The following PRMT7 variants were observed in gnomAD, a reference collection of about 807,000 sequenced individuals.
The protein encoded by PRMT7 is protein arginine N-methyltransferase 7.
A neutral mutation model predicts 85.4 loss-of-function variants in PRMT7; 75 were observed. That is an observed-to-expected ratio of 0.88 (90% CI 0.73 to 1.06). The LOEUF (loss-of-function observed/expected upper bound fraction) is 1.06. Ranked by LOEUF, PRMT7 falls within the 50% of genes least tolerant of loss-of-function variation. PRMT7 has a pLI of 0.00. For missense variants in PRMT7, 868 were observed against 915.2 expected, an observed-to-expected ratio of 0.95 and a Z score of 0.67; for synonymous variants, 397 against 359.5, an observed-to-expected ratio of 1.10 and a Z score of -1.18.
intron 7 of PRMT7, among the ~76,000 whole-genome samples, chr16:68,338,827 G>A (rs3785116): frequency 0.13 from 19,123 of 152,142 alleles, 1,257 homozygotes; most frequent in South Asian, 0.16. Flanking sequence ...GACGTGGAGT[G>A]GATGCAAGAG....
At chr16:68,327,172 T>TA (rs1368090406) in intron 5 of PRMT7, among the ~76,000 whole-genome samples, 1 of 152,044 alleles carries the variant, frequency 6.6e-6, no homozygotes, top group Non-Finnish European at 1.5e-5. Flanking sequence ...TTGATTATAG[T>TA]AAAAAATATA....
chr16:68,327,891 A>G (rs1353248802), intron 5 of PRMT7, among the ~76,000 whole-genome samples: 5 of 150,252 alleles, frequency 3.3e-5, no homozygotes, highest in Non-Finnish European at 2.9e-5. Context: ...TGATCATGCC[A>G]CTGGACTCCA....
intron 2 of PRMT7, 110 bp downstream of exon 2, chr16:68,312,286 C>T (rs898636729): frequency 2.0e-5 from 3 of 149,206 alleles, no homozygotes; most frequent in Non-Finnish European, 4.4e-5. Context: ...TCAGTGGCGC[C>T]ATCTCTGCTC....
chr16:68,315,953 G>A lies in PRMT7; in HGVS notation c.-27G>A. 2 of 1,606,440 alleles carry A rather than the reference G, an allele frequency of 1.2e-6. No individual in the cohort carries two copies. The highest frequency in any genetic ancestry group is 2.2e-5 in the South Asian group (2 of 90,384). ...TCAACTGGCAAGGCTGCTTTTCTGT[G>A]CTAAAACTGGGGAGCTAGTGGGCAC... is the stretch of plus-strand genomic sequence containing the variant. On this transcript the variant is annotated 5_prime_UTR_variant, in exon 3 of 19. Coordinates refer to ENST00000441236, the MANE Select transcript of PRMT7 (RefSeq NM_019023.5).
In PRMT7 at chr16:68,339,807, G is replaced by A. The variant is rs762537213; in HGVS notation, c.766G>A (p.Val256Ile). ...PMFSIDFSKQ[V>I]SSSAACHSRR... Reference sequence around the variant, plus strand: ...CCTCAGCATAGACTTCAGCAAGCAAGTCAGTAGCTCAGCAGCCTGCCATAG... The same window carrying A: ...CCTCAGCATAGACTTCAGCAAGCAAATCAGTAGCTCAGCAGCCTGCCATAG... The change falls in exon 9 of 19, where the codon GTC becomes ATC. Residue 256 changes from valine (V) to isoleucine (I), a missense_variant. Physicochemically the swap from Val to Ile is conservative, Grantham distance 29 (BLOSUM62 3). Coordinates refer to ENST00000441236, the MANE Select transcript of PRMT7 (RefSeq NM_019023.5). 9.9e-6 allele frequency: 16 copies of A among 1,613,872 alleles called. No homozygotes were observed. Among genetic ancestry groups the A allele is most frequent in the South Asian group, 1.1e-5 (1 of 91,092 alleles).
intron 4 of PRMT7, among the ~76,000 whole-genome samples, chr16:68,322,111 T>C (rs914376306): frequency 6.6e-6 from 1 of 152,180 alleles, no homozygotes; most frequent in Non-Finnish European, 1.5e-5. Flanking sequence ...GATAATACTA[T>C]TATTATACTA....
rs754396619 is a variant in PRMT7, at chr16:68,328,149, C to T, written c.283-917C>T. 4.8e-5 allele frequency: 15 copies of T among 309,750 alleles called. No homozygotes were observed. The Middle Eastern group carries it at 1.2e-3, about 24-fold the overall frequency. 19.2% of individuals were successfully genotyped at this position (309,750 alleles called of 1,614,324 possible). A position where few individuals can be genotyped will look rare whatever the true frequency, so the allele number is the denominator to read the frequency against. Reference sequence around the variant, plus strand: ...CAGCTCCACTGTGAATGCTAATCCTCCACGCTGACTTCTGACCAACCCCAG... The same window carrying T: ...CAGCTCCACTGTGAATGCTAATCCTTCACGCTGACTTCTGACCAACCCCAG... On this transcript the variant is annotated intron_variant, in intron 5 of 18. Coordinates refer to ENST00000441236, the MANE Select transcript of PRMT7 (RefSeq NM_019023.5).
At chr16:68,340,131 G>C (rs531248009) in intron 9 of PRMT7, among the ~76,000 whole-genome samples, 163 bp downstream of exon 9, 1 of 152,230 alleles carries the variant, frequency 6.6e-6, no homozygotes, top group Non-Finnish European at 1.5e-5. Flanking sequence ...GCTAGCTGTA[G>C]TAACGTAGCC....
At chr16:68,337,669 C>A in intron 7 of PRMT7, 98 bp downstream of exon 7, 2 of 656,482 alleles carry the variant, frequency 3.0e-6, no homozygotes, top group Non-Finnish European at 4.9e-6. Flanking sequence ...AAGCCCTCAG[C>A]ACCTCTGATA....
chr16:68,329,690 A>C (rs1437368960), intron 6 of PRMT7, among the ~76,000 whole-genome samples: 3 of 151,958 alleles, frequency 2.0e-5, no homozygotes, highest in Non-Finnish European at 4.4e-5. Context: ...TAACACGGTG[A>C]AACTCTATCT....
At chr16:68,314,652 C>G (rs1350044193) in intron 2 of PRMT7, among the ~76,000 whole-genome samples, 1 of 152,186 alleles carries the variant, frequency 6.6e-6, no homozygotes, top group Non-Finnish European at 1.5e-5. Context: ...AGTAGGCATT[C>G]TTTCTAAGTT....
intron 3 of PRMT7, among the ~76,000 whole-genome samples, chr16:68,319,798 T>C (rs977716675): frequency 1.3e-5 from 2 of 151,556 alleles, no homozygotes; most frequent in South Asian, 2.1e-4. Context: ...GACCCAAGGC[T>C]GGAGGGCCTC....
At chr16:68,318,286 G>A (rs1380030068) in intron 3 of PRMT7, among the ~76,000 whole-genome samples, 2 of 149,104 alleles carry the variant, frequency 1.3e-5, no homozygotes, top group Non-Finnish European at 3.0e-5. Context: ...TGCAAGCTCC[G>A]CCTCCTGGGT....
intron 4 of PRMT7, chr16:68,321,841 TAGC>T: frequency 5.8e-6 from 1 of 172,888 alleles, no homozygotes; most frequent in Admixed American, 6.2e-5. Flanking sequence ...TTATTAACTA[TAGC>T]TCACAATGCC....
At chr16:68,346,116 C>T (rs752695008) in intron 10 of PRMT7, 29 bp from the exon 11 acceptor site, 1 of 1,611,372 alleles carries the variant, frequency 6.2e-7, no homozygotes, top group East Asian at 2.2e-5. Flanking sequence ...GCTCACAGCC[C>T]ACGTCTGTTT....
rs541712558 is a variant in PRMT7, at chr16:68,311,020, A to C, written c.-298A>C. The C allele has an allele frequency of 8.7e-7, 1 of 1,146,198 alleles. No homozygotes were observed. Among genetic ancestry groups the C allele is most frequent in the Non-Finnish European group, 1.3e-6 (1 of 791,976 alleles). 71.0% of individuals were successfully genotyped at this position (1,146,198 alleles called of 1,614,324 possible). A position where few individuals can be genotyped will look rare whatever the true frequency, so the allele number is the denominator to read the frequency against. On this transcript the variant is annotated 5_prime_UTR_variant, in exon 1 of 19. Coordinates refer to ENST00000441236, the MANE Select transcript of PRMT7 (RefSeq NM_019023.5). ...GACCCGCCCCCCAGCACGCTCCTCG[A>C]CGCTGCGAGGTCCCGCCCCGCGTGC...
intron 6 of PRMT7, 43 bp from the exon 7 acceptor site, chr16:68,337,416 A>T: frequency 7.3e-7 from 1 of 1,366,946 alleles, no homozygotes; most frequent in Non-Finnish European, 1.0e-6. Flanking sequence ...TATTTTTCCT[A>T]GTCTGTTGCT....
chr16:68,338,400 A>T (rs1274640660), intron 7 of PRMT7, among the ~76,000 whole-genome samples: 1 of 151,822 alleles, frequency 6.6e-6, no homozygotes, highest in Non-Finnish European at 1.5e-5. Context: ...GGAAGTGGTG[A>T]GGGCGATTCT....
Position 68,356,708 on chromosome 16 carries a change from C to A in PRMT7, c.1819C>A (p.Gln607Lys), listed in dbSNP as rs1158217815. The change falls in exon 18 of 19, where the codon CAG (glutamine) becomes AAG (lysine). Residue 607 changes from glutamine to lysine, a missense_variant. Coordinates refer to ENST00000441236, the MANE Select transcript of PRMT7 (RefSeq NM_019023.5). ...EGTVELRRPG[Q>K]SHAAVLWMEY... Reference sequence around the variant, plus strand: ...CCCCCCTCTCCTTGACAGGCCCGGGCAGAGCCACGCAGCGGTGCTATGGAT... The same window carrying A: ...CCCCCCTCTCCTTGACAGGCCCGGGAAGAGCCACGCAGCGGTGCTATGGAT... 7 of 1,611,676 alleles carry A rather than the reference C, an allele frequency of 4.3e-6. No individual in the cohort carries two copies. The highest frequency in any genetic ancestry group is 5.1e-6 in the Non-Finnish European group (6 of 1,179,632).
Sources: allele counts gnomAD v4.1 joint callset (sites outside exome capture counted in the v4.1 genomes callset), GRCh38; gene constraint gnomAD v4.1.1; transcripts MANE v1.5; gene names NCBI Gene and HGNC (gene_info 2026-07-23, HGNC 2026-07-21).